CLU: variants seen among roughly 807,000 people sequenced by gnomAD.
CLU encodes aging-associated protein 4.
A neutral mutation model predicts 46.4 loss-of-function variants in CLU; 25 were observed. The observed-to-expected ratio is 0.54, with a 90% CI of 0.39 to 0.75. The LOEUF (loss-of-function observed/expected upper bound fraction) is 0.75. Ranked by LOEUF, CLU falls within the 30% of genes least tolerant of loss-of-function variation. The probability of loss-of-function intolerance (pLI) is 0.00; values close to 1 mark genes in which losing one functional copy is unlikely to be tolerated. For missense variants in CLU, 504 were observed against 592.1 expected, an observed-to-expected ratio of 0.85 and a Z score of 1.54; for synonymous variants, 235 against 235.1, an observed-to-expected ratio of 1.00 and a Z score of 0.00.
Position 27,610,520 on chromosome 8 carries a change from C to T in CLU, c.52G>A (p.Gly18Arg), listed in dbSNP as rs1800904978. ...FVGLLLTWES[G>R]QVLGDQTVSD... ...ACCGTCTGGTCCCCCAGGACCTGCCCACTCTCCCAGGTCAGCAGCAGCCCC... is the reference window on the plus strand; with the variant it reads ...ACCGTCTGGTCCCCCAGGACCTGCCTACTCTCCCAGGTCAGCAGCAGCCCC... The change falls in exon 2 of 9, where the codon GGG (glycine) becomes AGG (arginine). Residue 18 changes from glycine (G) to arginine (R), a missense_variant. By Grantham distance (125) the Gly-to-Arg change is moderately radical (BLOSUM62 -2). This residue lies in a region of CLU where 73 missense variants were observed against 91.2 expected (regional missense o/e 0.80). Transcript: ENST00000316403. 6.2e-7 allele frequency: 1 copy of T among 1,614,244 alleles called. No individual in the cohort carries two copies. Among genetic ancestry groups the T allele is most frequent in the Non-Finnish European group, 8.5e-7 (1 of 1,180,026 alleles).
intron 1 of CLU, chr8:27,613,655 A>G (rs1800967460): frequency 6.6e-6 from 1 of 152,198 alleles, no homozygotes; most frequent in Non-Finnish European, 1.5e-5. Flanking sequence ...TTTATACAAG[A>G]TTCTTCACAT....
rs1800981807 is a variant in CLU, at chr8:27,614,642, G to A, written c.-30+13C>T. On this transcript the variant is annotated intron_variant, in intron 1 of 8. Transcript: ENST00000316403. ...GGCTCTGCTCAAGGGTAGGGAAGAC[G>A]GGGACATCTCACCGGTCAGCGGCAC... is the stretch of plus-strand genomic sequence containing the variant. 5.7e-6 allele frequency: 3 copies of A among 526,118 alleles called. No individual in the cohort carries two copies. Among genetic ancestry groups the A allele is most frequent in the South Asian group, 4.2e-5 (3 of 71,260 alleles). The allele number at this position is 526,118 out of a possible 1,614,324, so 32.6% of individuals were successfully genotyped here.
rs368146141 is a variant in CLU, at chr8:27,599,833, G to T, written c.1111C>A (p.Arg371=). The change falls in exon 7 of 9, where the codon CGG becomes AGG. Residue 371 remains arginine (R), a synonymous_variant. Transcript: ENST00000316403. The surrounding 1 kb of genome is among the most constrained non-coding windows in gnomAD (Gnocchi z 4.0). ...TCGCCTTGCGTGAGGTTTGCCAGCC[G>T]GGACACCCAGTTAAACTGCTCGTTC... The part of the protein sequence containing the change: ...QLNEQFNWVS[R]LANLTQGEDQ... The T allele has an allele frequency of 4.8e-5, 78 of 1,613,872 alleles. No individual in the cohort carries two copies. Among genetic ancestry groups the T allele is most frequent in the Non-Finnish European group, 7.6e-6 (9 of 1,179,954 alleles).
chr8:27,599,910 A>G lies in CLU; in HGVS notation c.1034T>C (p.Leu345Pro). ...GAGCATCTTCCACTGGTAGGACTTT[A>G]GCAGCTCGTTGTATTTCCTGGTCAA... ...ERLTRKYNEL[L>P]KSYQWKMLNT... Residue 345 changes from leucine to proline, a missense_variant, in exon 7 of 9, where the codon CTA becomes CCA. Transcript: ENST00000316403. This position sits in a 1 kb window ranked among gnomAD's most constrained non-coding sequence, Gnocchi z 4.0. 1 of 1,614,224 alleles carries G rather than the reference A, an allele frequency of 6.2e-7. No individual in the cohort carries two copies. The highest frequency in any genetic ancestry group is 8.5e-7 in the Non-Finnish European group (1 of 1,180,036).
intron 6 of CLU, among the ~76,000 whole-genome samples, chr8:27,603,103 T>C (rs966418141): frequency 5.3e-5 from 8 of 152,124 alleles, no homozygotes; most frequent in Non-Finnish European, 1.0e-4. Context: ...ACTGTTAAGA[T>C]TGGCGCCAGA....
intron 6 of CLU, among the ~76,000 whole-genome samples, chr8:27,602,843 T>C (rs1038715242): frequency 2.0e-5 from 3 of 152,118 alleles, no homozygotes; most frequent in African/African-American, 4.8e-5. Flanking sequence ...GGCGGGCAGA[T>C]TACTTGAGGT....
chr8:27,598,668 A>AACACTGTGGTCAAAATGC, intron 7 of CLU, 33 bp from the exon 8 acceptor site: 1 of 1,608,260 alleles, frequency 6.2e-7, no homozygotes, highest in Non-Finnish European at 8.5e-7. Flanking sequence ...GAAGAGCTGA[A>AACACTGTGGTCAAAATGC]ACACTGTGGT....
At chr8:27,612,111 C>G in intron 1 of CLU, 2 of 310,844 alleles carry the variant, frequency 6.4e-6, no homozygotes, top group South Asian at 5.9e-5. Flanking sequence ...TCCAGGGAGC[C>G]TGGGGTCCCT....
At chr8:27,608,599 G>C (rs2128909810) in intron 3 of CLU, 1 of 485,864 alleles carries the variant, frequency 2.1e-6, no homozygotes, top group East Asian at 4.0e-5. Context: ...GCTTCCTGAA[G>C]GTTGGACGCC....
chr8:27,601,195 C>G (rs1237806662), intron 6 of CLU, among the ~76,000 whole-genome samples: 35 of 152,204 alleles, frequency 2.3e-4, no homozygotes, highest in Admixed American at 2.3e-3. Context: ...ATTACAGGTG[C>G]CTGCCACCAC....
rs552103421 is a variant in CLU at position 27,604,390 on chromosome 8, C to T, written c.835G>A (p.Asp279Asn). 23 of 1,614,094 alleles carry T rather than the reference C, an allele frequency of 1.4e-5. No individual in the cohort carries two copies. The highest frequency in any genetic ancestry group is 1.0e-4 in the Admixed American group (6 of 60,034). Residue 279 changes from aspartate to asparagine, a missense_variant, in exon 6 of 9, where the codon GAC becomes AAC. Physicochemically the swap from Asp to Asn is conservative, Grantham distance 23 (BLOSUM62 1). This residue lies in a region of CLU where 428 missense variants were observed against 484.0 expected (regional missense o/e 0.88). Coordinates refer to ENST00000316403, the MANE Select transcript of CLU (RefSeq NM_001831.4). Reference sequence around the variant, plus strand: ...TCCCGGCACACAGTCCGGTCATCGTCGCCTTCTGGGGACACACGAGGGAAG... The same window carrying T: ...TCCCGGCACACAGTCCGGTCATCGTTGCCTTCTGGGGACACACGAGGGAAG... ...HPPTEFIREG[D>N]DDRTVCREIR...
chr8:27,609,187 G>T, intron 2 of CLU, 101 bp from the exon 3 acceptor site: 1 of 1,306,792 alleles, frequency 7.7e-7, no homozygotes, highest in Non-Finnish European at 1.1e-6. Flanking sequence ...CAGTTCAGGG[G>T]CTGTCAAGGC....
At chr8:27,610,876 G>GCT in intron 1 of CLU, 1 of 431,256 alleles carries the variant, frequency 2.3e-6, no homozygotes, top group East Asian at 5.0e-5. Flanking sequence ...GAGGAACCAG[G>GCT]CTCTTGTCCA....
At chr8:27,606,276 T>G in intron 4 of CLU, 78 bp downstream of exon 4, 1 of 1,514,324 alleles carries the variant, frequency 6.6e-7, no homozygotes, top group Non-Finnish European at 9.1e-7. Flanking sequence ...GCATCTGGCA[T>G]GCGGAATGAA....
At chr8:27,604,614 A>G (rs1215255762) in intron 5 of CLU, among the ~76,000 whole-genome samples, 1 of 152,126 alleles carries the variant, frequency 6.6e-6, no homozygotes, top group Non-Finnish European at 1.5e-5. Context: ...CTGAGACTAC[A>G]GGTGTGCACC....
chr8:27,609,698 G>A (rs1300460193), intron 2 of CLU, among the ~76,000 whole-genome samples: 3 of 152,142 alleles, frequency 2.0e-5, no homozygotes, highest in Non-Finnish European at 2.9e-5. Flanking sequence ...TGCCCACTTC[G>A]CAGAGGGAGA....
At chr8:27,606,241 G>T (rs1458158950) in intron 4 of CLU, 113 bp downstream of exon 4, 2 of 1,259,112 alleles carry the variant, frequency 1.6e-6, no homozygotes, top group Non-Finnish European at 1.1e-6. Flanking sequence ...GGCACTCTGG[G>T]CAAGCCAGCC....
At chr8:27,608,613 C>G in intron 3 of CLU, 1 of 510,250 alleles carries the variant, frequency 2.0e-6, no homozygotes, top group East Asian at 3.7e-5. Flanking sequence ...GGACGCCACG[C>G]CTGTCTGGGC....
At chr8:27,606,250 C>G (rs1800819796) in intron 4 of CLU, 104 bp downstream of exon 4, 2 of 1,337,654 alleles carry the variant, frequency 1.5e-6, no homozygotes, top group African/African-American at 2.9e-5. Flanking sequence ...GGCAAGCCAG[C>G]CAATGCTAAT....
Sources: gnomAD v4.1 joint callset for allele counts (sites outside exome capture counted in the v4.1 genomes callset) on GRCh38, gnomAD v4.1.1 for gene constraint, gnomAD v4.1.1 regional missense constraint, Gnocchi (gnomAD v3.1) non-coding constraint, MANE v1.5 for transcripts, NCBI Gene and HGNC (gene_info 2026-07-23, HGNC 2026-07-21) for gene names.